Variants in PTPRG observed in about 807,000 individuals in gnomAD.
PTPRG encodes receptor-type tyrosine-protein phosphatase gamma.
A neutral mutation model predicts 165.3 loss-of-function variants in PTPRG; 102 were observed. The ratio of observed to expected loss-of-function variants is 0.62; its 90% confidence interval spans 0.53 to 0.73. The LOEUF (loss-of-function observed/expected upper bound fraction) is 0.73. Among genes scored for constraint, PTPRG ranks in the 30% least tolerant of loss-of-function variants. PTPRG has a pLI of 0.00. For synonymous variants in PTPRG, 675 were observed against 669.5 expected (o/e 1.01, Z -0.13); for missense variants, 1,866 against 1,861.4 (o/e 1.00, Z -0.05).
At position 61,930,346 on chromosome 3, in the gene PTPRG, C is replaced by T. The variant is rs534527471; in HGVS notation, c.191-59279C>T. ...AGGTATCTTGACCCAGGGACACCAA[C>T]GAGTTTATTCCAACAATTCCACGTG... is the stretch of plus-strand genomic sequence containing the variant. On this transcript the variant is annotated intron_variant, in intron 2 of 29. Transcript: ENST00000474889. Among the ~76,000 whole-genome samples, 198 of 152,290 alleles carry T rather than the reference C, an allele frequency of 1.3e-3. 1 individual carries two copies. The highest frequency in any genetic ancestry group is 2.5e-3 in the Non-Finnish European group (172 of 68,034).
intron 2 of PTPRG, among the ~76,000 whole-genome samples, chr3:61,886,549 T>A (rs2038043649): frequency 6.6e-6 from 1 of 152,110 alleles, no homozygotes; most frequent in Admixed American, 6.6e-5. Context: ...CTGTATGCCT[T>A]CCCCGCCCTG....
At chr3:61,833,878 T>A (rs1212859617) in intron 2 of PTPRG, among the ~76,000 whole-genome samples, 1 of 152,156 alleles carries the variant, frequency 6.6e-6, no homozygotes, top group African/African-American at 2.4e-5. Flanking sequence ...TTGAAGTGTT[T>A]TCTATGGAAG....
chr3:61,627,263 TATG>T, intron 1 of PTPRG, among the ~76,000 whole-genome samples: 1 of 152,182 alleles, frequency 6.6e-6, no homozygotes. Context: ...ATAGGGAAAT[TATG>T]ATGTCTGGAA....
intron 2 of PTPRG, among the ~76,000 whole-genome samples, chr3:61,836,054 C>G (rs947543732): frequency 3.0e-5 from 3 of 99,568 alleles, no homozygotes; most frequent in African/African-American, 6.9e-5. Context: ...CCCCGCGCCC[C>G]CCCCCACCAA....
In PTPRG at chr3:62,273,608, T is replaced by C. The variant is rs1576207529; in HGVS notation, c.3319-90T>C. ...AAGGAAATCACTGGGAGGTCCCTGT[T>C]AGCAGCAGAATTAAACTAAGGTACA... On this transcript the variant is annotated intron_variant, in intron 22 of 29. Transcript: ENST00000474889. The surrounding 1 kb of genome is among the most constrained non-coding windows in gnomAD (Gnocchi z 4.1). 7.5e-7 allele frequency: 1 copy of C among 1,326,258 alleles called. No homozygotes were observed. The highest frequency in any genetic ancestry group is 1.1e-6 in the Non-Finnish European group (1 of 937,334). The allele number at this position is 1,326,258 out of a possible 1,614,324, so 82.2% of individuals were successfully genotyped here.
intron 5 of PTPRG, among the ~76,000 whole-genome samples, chr3:62,085,424 G>A (rs1211142093): frequency 1.3e-5 from 2 of 152,140 alleles, no homozygotes; most frequent in Non-Finnish European, 1.5e-5. Flanking sequence ...TCTATAGTGC[G>A]TTCAGAGGCC....
At chr3:62,023,298 T>C (rs1230962382) in intron 4 of PTPRG, among the ~76,000 whole-genome samples, 3 of 152,192 alleles carry the variant, frequency 2.0e-5, no homozygotes, top group Admixed American at 2.0e-4. Context: ...AACTTTTCCT[T>C]AGCCAAAGAT....
intron 1 of PTPRG, among the ~76,000 whole-genome samples, chr3:61,668,900 C>T (rs776546364): frequency 6.6e-6 from 1 of 152,160 alleles, no homozygotes; most frequent in Non-Finnish European, 1.5e-5. Context: ...TGATGAGCCC[C>T]AACATAGAGC....
At chr3:61,869,272 G>A (rs1390934300) in intron 2 of PTPRG, among the ~76,000 whole-genome samples, 1 of 152,168 alleles carries the variant, frequency 6.6e-6, no homozygotes, top group Non-Finnish European at 1.5e-5. Flanking sequence ...TGGCTCAAGA[G>A]CATCTTGGTA....
intron 4 of PTPRG, among the ~76,000 whole-genome samples, chr3:62,070,362 A>G (rs571347994): frequency 2.6e-5 from 4 of 152,178 alleles, no homozygotes; most frequent in Admixed American, 1.3e-4. Flanking sequence ...CTTGCCACTG[A>G]TTTTGTTATT....
At chr3:61,922,179 A>C (rs9883160) in intron 2 of PTPRG, among the ~76,000 whole-genome samples, 9,696 of 152,294 alleles carry the variant, frequency 0.064, 455 homozygotes, top group Non-Finnish European at 0.07. Flanking sequence ...TTCTCAGCCA[A>C]AAGTACTAAA....
At chr3:61,753,720 A>G (rs952719686) in intron 2 of PTPRG, 2 of 402,810 alleles carry the variant, frequency 5.0e-6, no homozygotes, top group East Asian at 7.2e-5. Context: ...CAGCCTCTCA[A>G]GTAGCTGGGA....
intron 26 of PTPRG, among the ~76,000 whole-genome samples, chr3:62,280,285 C>T (rs898477747): frequency 6.6e-6 from 1 of 151,882 alleles, no homozygotes; most frequent in African/African-American, 2.4e-5. Context: ...GGGCCCCCTC[C>T]CCAAGGCCTT....
chr3:62,032,115 T>C (rs551432939), intron 4 of PTPRG, among the ~76,000 whole-genome samples: 145 of 152,336 alleles, frequency 9.5e-4, no homozygotes, highest in African/African-American at 3.3e-3. Context: ...CTGTGAGTTA[T>C]ACCAGCCTTC....
rs147064944 is a variant in PTPRG at position 62,133,774 on chromosome 3, C to T, written c.682+1106C>T. Among the ~76,000 whole-genome samples, 455 of 152,172 alleles carry T rather than the reference C, an allele frequency of 3.0e-3. 1 individual carries two copies. The highest frequency in any genetic ancestry group is 0.01 in the African/African-American group (426 of 41,516). Reference sequence around the variant, plus strand: ...CCGAAGTGGGTGGATCACCTGAAGTCGAGAGTTTGAGACCAGCCTGGCCAA... The same window carrying T: ...CCGAAGTGGGTGGATCACCTGAAGTTGAGAGTTTGAGACCAGCCTGGCCAA... On this transcript the variant is annotated intron_variant, in intron 6 of 29. Coordinates refer to ENST00000474889, the MANE Select transcript of PTPRG (RefSeq NM_002841.4).
At chr3:61,874,569 A>G (rs1387511844) in intron 2 of PTPRG, among the ~76,000 whole-genome samples, 1 of 152,064 alleles carries the variant, frequency 6.6e-6, no homozygotes, top group Non-Finnish European at 1.5e-5. Context: ...ATTCGTAGAA[A>G]TTGATCTAGG....
At chr3:61,594,713 C>T (rs1700653036) in intron 1 of PTPRG, among the ~76,000 whole-genome samples, 1 of 152,152 alleles carries the variant, frequency 6.6e-6, no homozygotes, top group Non-Finnish European at 1.5e-5. Flanking sequence ...TTGGTTGTGC[C>T]AGTGGCGCCG....
chr3:62,092,969 C>G (rs527248940), intron 5 of PTPRG, among the ~76,000 whole-genome samples: 11 of 152,310 alleles, frequency 7.2e-5, no homozygotes, highest in African/African-American at 2.6e-4. Context: ...CCTCTCCAAA[C>G]TCAGTGGGCC....
chr3:61,705,524 C>A (rs187595789), intron 1 of PTPRG, among the ~76,000 whole-genome samples: 1 of 151,936 alleles, frequency 6.6e-6, no homozygotes, highest in African/African-American at 2.4e-5. Context: ...AAAAAAAATA[C>A]TATTTACTGT....
Sources: gnomAD v4.1 joint callset for allele counts (sites outside exome capture counted in the v4.1 genomes callset) on GRCh38, gnomAD v4.1.1 for gene constraint, Gnocchi (gnomAD v3.1) non-coding constraint, MANE v1.5 for transcripts, NCBI Gene and HGNC (gene_info 2026-07-23, HGNC 2026-07-21) for gene names.